The following CHST9 variants were observed in gnomAD, a reference collection of about 807,000 sequenced individuals.
The protein encoded by CHST9 is GalNAc-4-sulfotransferase 2.
In CHST9, 41 loss-of-function variants were observed where a neutral mutation model predicts 44.4. That is an observed-to-expected ratio of 0.92 (90% CI 0.72 to 1.20). The LOEUF (loss-of-function observed/expected upper bound fraction) is 1.20. Among genes scored for constraint, CHST9 ranks in the 50% most tolerant of loss-of-function variants. The pLI is 0.00. For synonymous variants in CHST9, 171 were observed against 178.4 expected, an observed-to-expected ratio of 0.96 and a Z score of 0.33; for missense variants, 504 against 516.5, an observed-to-expected ratio of 0.98 and a Z score of 0.23.
At chr18:27,080,369 A>C (rs1026264800) in intron 2 of CHST9, among the ~76,000 whole-genome samples, 3 of 151,682 alleles carry the variant, frequency 2.0e-5, no homozygotes, top group Admixed American at 2.0e-4. Flanking sequence ...TAGCCTTTAA[A>C]ATTCAAGTCA....
chr18:26,923,128 A>G (rs1382395466), intron 5 of CHST9, among the ~76,000 whole-genome samples: 1 of 152,210 alleles, frequency 6.6e-6, no homozygotes, highest in Non-Finnish European at 1.5e-5. Flanking sequence ...TTATTCATAT[A>G]CAGTTGGTAT....
Position 26,956,180 on chromosome 18 carries a change from C to T in CHST9, c.203-11814G>A, listed in dbSNP as rs560703182. ...ACTAAAAATTAGCTGGGTGTGGTGGCGCACACCTGTAGTCCCAGCTACTCA... is the reference window on the plus strand; with the variant it reads ...ACTAAAAATTAGCTGGGTGTGGTGGTGCACACCTGTAGTCCCAGCTACTCA... On this transcript the variant is annotated intron_variant, in intron 4 of 5. Transcript: ENST00000618847. Among the ~76,000 whole-genome samples, 19 of 151,092 alleles carry T rather than the reference C, an allele frequency of 1.3e-4. No individual in the cohort carries two copies. The South Asian group carries it at 1.5e-3, about 12-fold the overall frequency.
In CHST9 at chr18:27,142,373, T is replaced by C. The variant is rs918632649; in HGVS notation, c.121+316A>G. ...TTTTAGGCTTATGCCTGATGCTCCA[T>C]GGACAGATAAGAAGTAGGATAAATG... On this transcript the variant is annotated intron_variant, in intron 2 of 5. Transcript: ENST00000618847. Among the ~76,000 whole-genome samples the C allele has an allele frequency of 1.1e-4, 16 of 152,328 alleles. No individual in the cohort carries two copies. The South Asian group carries it at 1.7e-3, about 16-fold the overall frequency.
At chr18:26,953,063 T>C (rs1356173501) in intron 4 of CHST9, among the ~76,000 whole-genome samples, 2 of 152,212 alleles carry the variant, frequency 1.3e-5, no homozygotes, top group African/African-American at 4.8e-5. Context: ...GATTTATTAT[T>C]AGCCTTTCAC....
At chr18:27,168,250 AT>A (rs1246761263) in intron 1 of CHST9, among the ~76,000 whole-genome samples, 4 of 151,776 alleles carry the variant, frequency 2.6e-5, no homozygotes, top group African/African-American at 9.7e-5. Context: ...AATTTTTTGT[AT>A]TTTTAGTAGA....
intron 4 of CHST9, among the ~76,000 whole-genome samples, chr18:26,965,749 G>A (rs2056456587): frequency 6.6e-6 from 1 of 152,138 alleles, no homozygotes; most frequent in Non-Finnish European, 1.5e-5. Context: ...ATCATCTGTC[G>A]AGTTAAGGGT....
At chr18:26,931,584 G>T (rs2055877939) in intron 5 of CHST9, among the ~76,000 whole-genome samples, 1 of 152,184 alleles carries the variant, frequency 6.6e-6, no homozygotes, top group Non-Finnish European at 1.5e-5. Flanking sequence ...CAAGTCCCTG[G>T]AGCCTGCTTC....
At chr18:27,034,404 T>C (rs1250950228) in intron 3 of CHST9, among the ~76,000 whole-genome samples, 2 of 152,200 alleles carry the variant, frequency 1.3e-5, no homozygotes, top group African/African-American at 4.8e-5. Flanking sequence ...ACAGCTTTCT[T>C]AAATGGGCTC....
chr18:27,017,392 G>A (rs147740419), intron 4 of CHST9, among the ~76,000 whole-genome samples: 1 of 152,130 alleles, frequency 6.6e-6, no homozygotes, highest in Non-Finnish European at 1.5e-5. Flanking sequence ...TAAGTAATTT[G>A]TAATGTAGTC....
At chr18:26,969,376 C>CTCTCTGTGTGTG (rs1555672857) in intron 4 of CHST9, among the ~76,000 whole-genome samples, 2 of 95,590 alleles carry the variant, frequency 2.1e-5, no homozygotes, top group African/African-American at 2.9e-5. Flanking sequence ...CTCTCTCTCT[C>CTCTCTGTGTGTG]TGTGTGTGTG....
rs1162918763 is a variant in CHST9, at chr18:27,063,624, G to A, written c.122-15121C>T. ...ATGTTCTCTGAAGTCTTGTGGAAAT[G>A]GGTCATTTCTATTCTTTTTCCTTTG... is the stretch of plus-strand genomic sequence containing the variant. On this transcript the variant is annotated intron_variant, in intron 2 of 5. Transcript: ENST00000618847. Among the ~76,000 whole-genome samples the A allele has an allele frequency of 2.0e-5, 3 of 152,246 alleles. No individual in the cohort carries two copies. The East Asian group carries it at 5.8e-4, about 29-fold the overall frequency.
chr18:27,071,592 A>G (rs2057840237), intron 2 of CHST9, among the ~76,000 whole-genome samples: 1 of 152,262 alleles, frequency 6.6e-6, no homozygotes, highest in Non-Finnish European at 1.5e-5. Flanking sequence ...ATATTGTTGC[A>G]TTCCTCTAAG....
intron 2 of CHST9, among the ~76,000 whole-genome samples, chr18:27,124,139 T>A (rs1372610898): frequency 2.6e-5 from 4 of 152,232 alleles, no homozygotes; most frequent in Admixed American, 6.5e-5. Context: ...AATAAATGAA[T>A]ATTTAAGAAA....
At chr18:27,019,948 A>G (rs2057203946) in intron 4 of CHST9, among the ~76,000 whole-genome samples, 1 of 152,212 alleles carries the variant, frequency 6.6e-6, no homozygotes, top group South Asian at 2.1e-4. Context: ...AGGAGGGTGT[A>G]ATTAGGGTCA....
chr18:27,068,159 T>G (rs976954156), intron 2 of CHST9, among the ~76,000 whole-genome samples: 5 of 152,172 alleles, frequency 3.3e-5, no homozygotes, highest in Non-Finnish European at 7.4e-5. Flanking sequence ...TAAAGAGAGA[T>G]AGAGTAATTT....
At chr18:27,143,890 C>T (rs1446275100) in intron 1 of CHST9, among the ~76,000 whole-genome samples, 1 of 152,152 alleles carries the variant, frequency 6.6e-6, no homozygotes, top group Non-Finnish European at 1.5e-5. Flanking sequence ...AGCAAACCAC[C>T]ATGGCACATG....
At chr18:27,112,646 C>A (rs1277325671) in intron 2 of CHST9, among the ~76,000 whole-genome samples, 2 of 147,952 alleles carry the variant, frequency 1.4e-5, no homozygotes, top group Non-Finnish European at 3.0e-5. Context: ...TATATATAAT[C>A]TATTGATTCT....
At chr18:27,104,830 G>A (rs1026674154) in intron 2 of CHST9, among the ~76,000 whole-genome samples, 7 of 151,882 alleles carry the variant, frequency 4.6e-5, no homozygotes, top group East Asian at 1.9e-4. Context: ...TCATGCTTTC[G>A]TTTTGAATAC....
chr18:27,140,841 G>A (rs2058558505), intron 2 of CHST9, among the ~76,000 whole-genome samples: 1 of 152,172 alleles, frequency 6.6e-6, no homozygotes, highest in Non-Finnish European at 1.5e-5. Context: ...GTATAGAAAA[G>A]TTAGCATAAT....
Sources: gnomAD v4.1 joint callset for allele counts (sites outside exome capture counted in the v4.1 genomes callset) on GRCh38, gnomAD v4.1.1 for gene constraint, MANE v1.5 for transcripts, NCBI Gene and HGNC (gene_info 2026-07-23, HGNC 2026-07-21) for gene names.